Variants in EPGN observed in about 807,000 individuals in gnomAD.
EPGN encodes epigen.
In EPGN, 21 loss-of-function variants were observed where a neutral mutation model predicts 20.7. The ratio of observed to expected loss-of-function variants is 1.01; its 90% CI spans 0.72 to 1.46. EPGN has a LOEUF of 1.46. EPGN is among the 40% of genes most tolerant of loss of function. The pLI is 0.00. For synonymous variants in EPGN, 69 were observed against 63.8 expected (o/e 1.08, Z -0.39); for missense variants, 199 against 180.7 (o/e 1.10, Z -0.58).
At chr4:74,309,204 AT>A in intron 2 of EPGN, 22 bp downstream of exon 2, 1 of 1,601,860 alleles carries the variant, frequency 6.2e-7, no homozygotes, top group South Asian at 1.1e-5. Flanking sequence ...CCATTTTCAT[AT>A]TTCACAAGAC....
intron 4 of EPGN, 174 bp from the exon 5 acceptor site, chr4:74,314,406 A>T: frequency 1.6e-6 from 1 of 639,580 alleles, no homozygotes; most frequent in Non-Finnish European, 2.7e-6. Context: ...TTGGGAGAAG[A>T]CTGCTGCCAT....
chr4:74,310,661 G>A (rs550233502), intron 2 of EPGN, among the ~76,000 whole-genome samples: 31 of 151,998 alleles, frequency 2.0e-4, no homozygotes, highest in Middle Eastern at 3.4e-3. Flanking sequence ...GTCATCCTCC[G>A]TTATTGGTTG....
At position 74,315,905 on chromosome 4, in the gene EPGN, T is replaced by A. The variant is rs1578794481; in HGVS notation, c.*1268T>A. Among the ~76,000 whole-genome samples the A allele has an allele frequency of 6.7e-6, 1 of 148,588 alleles. No homozygotes were observed. The highest frequency in any genetic ancestry group is 1.5e-5 in the Non-Finnish European group (1 of 67,648). On this transcript the variant is annotated 3_prime_UTR_variant, in exon 5 of 5. Transcript: ENST00000413830. ...AGGCAGAGGTTGTAGTGAGCCGAGA[T>A]GGCAACCCTGCACTCCAACCTGGGT...
Position 74,313,053 on chromosome 4 carries a change from A to G in EPGN, c.290A>G (p.His97Arg). 1 of 1,612,574 alleles carries G rather than the reference A, an allele frequency of 6.2e-7. No individual in the cohort carries two copies. The highest frequency in any genetic ancestry group is 8.5e-7 in the Non-Finnish European group (1 of 1,179,620). ...FTGYTGERCE[H>R]LTLTSYAVDS... is the part of the protein sequence containing the mutation. ...GGTTATACTGGAGAAAGGTGTGAGCACTTGACTTTAACTTCATATGCTGTG... is the reference window on the plus strand; with the variant it reads ...GGTTATACTGGAGAAAGGTGTGAGCGCTTGACTTTAACTTCATATGCTGTG... Residue 97 changes from histidine (H) to arginine (R), a missense_variant, in exon 4 of 5, where the codon CAC (histidine) becomes CGC (arginine). His to Arg is a conservative substitution (Grantham distance 29). Transcript: ENST00000413830.
chr4:74,309,477 G>A (rs1750751006), intron 2 of EPGN, among the ~76,000 whole-genome samples: 1 of 152,250 alleles, frequency 6.6e-6, no homozygotes, highest in South Asian at 2.1e-4. Context: ...AATAACCCCT[G>A]TGTGTACAGA....
At chr4:74,311,591 A>C (rs1339150069) in intron 2 of EPGN, among the ~76,000 whole-genome samples, 1 of 152,204 alleles carries the variant, frequency 6.6e-6, no homozygotes, top group Non-Finnish European at 1.5e-5. Flanking sequence ...TGTTTGAGAA[A>C]CATTTAAGAA....
chr4:74,314,505 G>A (rs754963795), intron 4 of EPGN, 75 bp from the exon 5 acceptor site: 16 of 1,413,862 alleles, frequency 1.1e-5, no homozygotes, highest in Non-Finnish European at 1.5e-5. Flanking sequence ...ACTGCTGCAG[G>A]GTGCATTTAT....
intron 2 of EPGN, among the ~76,000 whole-genome samples, chr4:74,309,565 G>T (rs1750758446): frequency 6.6e-6 from 1 of 152,104 alleles, no homozygotes; most frequent in South Asian, 2.1e-4. Flanking sequence ...TGATGCCAAA[G>T]ACATTATGGC....
In EPGN at chr4:74,314,439, G is replaced by T; in HGVS notation, c.408-141G>T. 5.2e-6 allele frequency: 4 copies of T among 770,338 alleles called. No homozygotes were observed. In the South Asian group the frequency reaches 7.0e-5, roughly 13 times the overall value. The allele number at this position is 770,338 out of a possible 1,614,324, so 47.7% of individuals were successfully genotyped here. A position where few individuals can be genotyped will look rare whatever the true frequency, so the allele number is the denominator to read the frequency against. The stretch of plus-strand genomic sequence containing the variant: ...CATGAGCCTGTTAATGCCCACAGCT[G>T]CTGAGGGATGGGTTGACCAATGGGT... On this transcript the variant is annotated intron_variant, in intron 4 of 4. Transcript: ENST00000413830.
At chr4:74,308,835 A>G (rs1377033231) in intron 1 of EPGN, among the ~76,000 whole-genome samples, 1 of 152,146 alleles carries the variant, frequency 6.6e-6, no homozygotes, top group Non-Finnish European at 1.5e-5. Context: ...CTACTATACT[A>G]TAGGGTTCTT....
chr4:74,308,546 G>A lies in EPGN; in HGVS notation c.13G>A (p.Val5Ile), dbSNP rs1392004198. The A allele has an allele frequency of 6.2e-7, 1 of 1,610,380 alleles. No individual in the cohort carries two copies. The highest frequency in any genetic ancestry group is 1.7e-5 in the Admixed American group (1 of 59,884). ...GCAACTACAGGAAATGGCTTTGGGA[G>A]TTCCAATATCAGTCTATCTTTTATT... MALG[V>I]PISVYLLFNA... Residue 5 changes from valine to isoleucine, a missense_variant, in exon 1 of 5, where the codon GTT becomes ATT. Physicochemically the swap from Val to Ile is conservative, Grantham distance 29 (BLOSUM62 3). Transcript: ENST00000413830.
Position 74,316,153 on chromosome 4 carries a change from G to A in EPGN, c.*1516G>A, listed in dbSNP as rs1256042003. On this transcript the variant is annotated 3_prime_UTR_variant, in exon 5 of 5. Coordinates refer to ENST00000413830, the MANE Select transcript of EPGN (RefSeq NM_001270989.2). ...CCGGTGAGATCCTCAACATCAGCAT[G>A]TTGAGATGGACCTCAACCCCACCTC... is the stretch of plus-strand genomic sequence containing the variant. Among the ~76,000 whole-genome samples, 1 of 152,102 alleles carries A rather than the reference G, an allele frequency of 6.6e-6. No individual in the cohort carries two copies. The highest frequency in any genetic ancestry group is 1.5e-5 in the Non-Finnish European group (1 of 68,026).
chr4:74,312,057 A>G (rs1055477723), intron 2 of EPGN, 128 bp from the exon 3 acceptor site: 6 of 1,003,544 alleles, frequency 6.0e-6, no homozygotes, highest in Non-Finnish European at 8.4e-6. Context: ...AAGAGAATCA[A>G]TAGTTTAAAG....
rs376078591 is a variant in EPGN, at chr4:74,309,163, G to C, written c.114G>C (p.Trp38Cys). The stretch of plus-strand genomic sequence containing the variant: ...CAATCACAGCCCAGCAAGGTAACTG[G>C]ACAGTTAACAAAACAGAAGGTATTT... The part of the protein sequence containing the change: ...TPPITAQQGN[W>C]TVNKTEADNI... The change falls in exon 2 of 5, where the codon TGG (tryptophan) becomes TGC (cysteine). Residue 38 changes from tryptophan to cysteine, a missense_variant. By Grantham distance (215) the Trp-to-Cys change is radical. Transcript: ENST00000413830. 9.9e-6 allele frequency: 16 copies of C among 1,612,650 alleles called. No individual in the cohort carries two copies. The highest frequency in any genetic ancestry group is 1.7e-5 in the Admixed American group (1 of 59,934).
rs569359228 is a variant in EPGN, at chr4:74,314,889, G to T, written c.*252G>T. On this transcript the variant is annotated 3_prime_UTR_variant, in exon 5 of 5. Coordinates refer to ENST00000413830, the MANE Select transcript of EPGN (RefSeq NM_001270989.2). ...TTCATAGTTTCACTCTGGGTTTTTT[G>T]TTGTTGTGTGGTTATTATTCTCACT... 6.4e-4 allele frequency: 330 copies of T among 513,708 alleles called. No individual in the cohort carries two copies. The highest frequency in any genetic ancestry group is 1.0e-3 in the Non-Finnish European group (299 of 288,930). The allele number at this position is 513,708 out of a possible 1,614,324, so 31.8% of individuals were successfully genotyped here. A position where few individuals can be genotyped will look rare whatever the true frequency, so the allele number is the denominator to read the frequency against.
Position 74,314,682 on chromosome 4 carries a change from G to A in EPGN, c.*45G>A. 4 of 1,508,744 alleles carry A rather than the reference G, an allele frequency of 2.7e-6. No homozygotes were observed. Among genetic ancestry groups the A allele is most frequent in the Middle Eastern group, 1.7e-4 (1 of 5,852 alleles). The allele number at this position is 1,508,744 out of a possible 1,614,324, so 93.5% of individuals were successfully genotyped here. ...CATCAAGGCATCTGTAGAGATCAGT[G>A]AGCCCAAAATTAAAGTTTTCAGATG... is the stretch of plus-strand genomic sequence containing the variant. On this transcript the variant is annotated 3_prime_UTR_variant, in exon 5 of 5. Coordinates refer to ENST00000413830, the MANE Select transcript of EPGN (RefSeq NM_001270989.2).
At position 74,313,180 on chromosome 4, in the gene EPGN, A is replaced by T. The variant is rs780786277; in HGVS notation, c.407+10A>T. 1 of 1,607,642 alleles carries T rather than the reference A, an allele frequency of 6.2e-7. No individual in the cohort carries two copies. Among genetic ancestry groups the T allele is most frequent in the Admixed American group, 1.7e-5 (1 of 58,086 alleles). On this transcript the variant is annotated intron_variant, in intron 4 of 4. Coordinates refer to ENST00000413830, the MANE Select transcript of EPGN (RefSeq NM_001270989.2). ...GCTATATAAGAAAGAGGTATGAAAA[A>T]GACAAAATATGAAGTCACTTCATAT...
Position 74,314,542 on chromosome 4 carries a change from A to T in EPGN, c.408-38A>T, listed in dbSNP as rs1393806252. 2.6e-6 allele frequency: 4 copies of T among 1,527,254 alleles called. No individual in the cohort carries two copies. In the African/African-American group the frequency reaches 5.5e-5, roughly 21 times the overall value. The allele number at this position is 1,527,254 out of a possible 1,614,324, so 94.6% of individuals were successfully genotyped here. A position where few individuals can be genotyped will look rare whatever the true frequency, so the allele number is the denominator to read the frequency against. On this transcript the variant is annotated intron_variant, in intron 4 of 4. Coordinates refer to ENST00000413830, the MANE Select transcript of EPGN (RefSeq NM_001270989.2). ...TAAGCTTCAATGACCTATATGAACCACAGTCAAATTCATATGGAAACCAAT... is the reference window on the plus strand; with the variant it reads ...TAAGCTTCAATGACCTATATGAACCTCAGTCAAATTCATATGGAAACCAAT...
In EPGN at chr4:74,312,269, G is replaced by C. The variant is rs771610784; in HGVS notation, c.218G>C (p.Cys73Ser). The change falls in exon 3 of 5, where the codon TGT (cysteine) becomes TCT (serine). Residue 73 changes from cysteine to serine, a missense_variant. By Grantham distance (112) the Cys-to-Ser change is moderately radical. Coordinates refer to ENST00000413830, the MANE Select transcript of EPGN (RefSeq NM_001270989.2). ...DHNSYCINGA[C>S]AFHHELEKAI... The stretch of plus-strand genomic sequence containing the variant: ...AACAGTTACTGCATCAACGGTGCTT[G>C]TGCATTCCACCATGAGCTAGAGAAA... The C allele has an allele frequency of 1.2e-6, 2 of 1,612,954 alleles. No homozygotes were observed. Among genetic ancestry groups the C allele is most frequent in the South Asian group, 2.2e-5 (2 of 90,864 alleles).
Sources: gnomAD v4.1 joint callset for allele counts (sites outside exome capture counted in the v4.1 genomes callset) on GRCh38, gnomAD v4.1.1 for gene constraint, MANE v1.5 for transcripts, NCBI Gene and HGNC (gene_info 2026-07-23, HGNC 2026-07-21) for gene names.